Variants in ARHGAP42 observed in about 807,000 individuals in gnomAD.
ARHGAP42 encodes Rho GTPase activating protein 42, also known as rho GTPase-activating protein 42.
ARHGAP42 carries 63 observed loss-of-function variants against 125.0 expected under a neutral mutation model. The observed-to-expected ratio is 0.50, with a 90% confidence interval of 0.41 to 0.62. The LOEUF (loss-of-function observed/expected upper bound fraction) is 0.62. ARHGAP42 is among the 20% of genes least tolerant of loss of function. ARHGAP42 has a pLI of 0.00. For synonymous variants in ARHGAP42, 339 were observed against 351.0 expected (o/e 0.97, Z 0.38); for missense variants, 766 against 1,024.2 (o/e 0.75, Z 3.44).
chr11:100,935,236 C>T (rs1432490412), intron 7 of ARHGAP42, among the ~76,000 whole-genome samples: 1 of 151,562 alleles, frequency 6.6e-6, no homozygotes, highest in South Asian at 2.1e-4. Context: ...AAGAGGTATT[C>T]ATAGAGAAAA....
rs568940473 is a variant in ARHGAP42, at chr11:100,739,017, T to G, written c.155-31326T>G. ...AAAAGCTGTTTGTTAAGCCCAGACC[T>G]AGTTTGAGATCTTTTTGAAAAGTGC... On this transcript the variant is annotated intron_variant, in intron 1 of 23. Coordinates refer to ENST00000298815, the MANE Select transcript of ARHGAP42 (RefSeq NM_152432.4). Among the ~76,000 whole-genome samples the G allele has an allele frequency of 3.3e-5, 5 of 152,342 alleles. No homozygotes were observed. In the East Asian group the frequency reaches 9.6e-4, roughly 29 times the overall value.
chr11:100,922,551 A>G (rs1213167758), intron 6 of ARHGAP42, among the ~76,000 whole-genome samples: 3 of 152,194 alleles, frequency 2.0e-5, no homozygotes, highest in African/African-American at 7.2e-5. Flanking sequence ...AAGTAATCAA[A>G]TATCTAATCT....
intron 4 of ARHGAP42, among the ~76,000 whole-genome samples, chr11:100,894,880 G>A (rs17576340): frequency 0.079 from 11,994 of 152,132 alleles, 570 homozygotes; most frequent in Non-Finnish European, 0.098. Context: ...TATTCCTACC[G>A]GTCGATGACC....
chr11:100,869,014 A>C (rs1436187609), intron 4 of ARHGAP42, among the ~76,000 whole-genome samples: 1 of 152,084 alleles, frequency 6.6e-6, no homozygotes, highest in Non-Finnish European at 1.5e-5. Flanking sequence ...TGAAGTAATC[A>C]TGCATGTAGA....
intron 1 of ARHGAP42, among the ~76,000 whole-genome samples, chr11:100,744,440 A>T (rs1862253192): frequency 6.6e-6 from 1 of 152,096 alleles, no homozygotes. Context: ...ATCATTATAG[A>T]ACCCTGTTTT....
At chr11:100,935,009 T>TA (rs1248321154) in intron 7 of ARHGAP42, among the ~76,000 whole-genome samples, 6 of 151,918 alleles carry the variant, frequency 3.9e-5, no homozygotes, top group Admixed American at 3.9e-4. Context: ...TTAAATAAAA[T>TA]TACATTAAGA....
rs1429042066 is a variant in ARHGAP42 at position 100,704,030 on chromosome 11, G to A, written c.154+16198G>A. ...AGAAAAGAAAATGATGAAATTGATAGGACATTGCTGGAGGGGCTGAGTGTG... is the reference window on the plus strand; with the variant it reads ...AGAAAAGAAAATGATGAAATTGATAAGACATTGCTGGAGGGGCTGAGTGTG... On this transcript the variant is annotated intron_variant, in intron 1 of 23. Transcript: ENST00000298815. Among the ~76,000 whole-genome samples, 3 of 152,174 alleles carry A rather than the reference G, an allele frequency of 2.0e-5. No homozygotes were observed. In the South Asian group the frequency reaches 6.2e-4, roughly 32 times the overall value.
chr11:100,720,363 GA>G (rs1236998425), intron 1 of ARHGAP42, among the ~76,000 whole-genome samples: 6 of 152,184 alleles, frequency 3.9e-5, no homozygotes, highest in African/African-American at 1.4e-4. Flanking sequence ...GATAATGTTG[GA>G]AAAAAATGGG....
In ARHGAP42 at chr11:100,949,897, G is replaced by A. The variant is rs996736204; in HGVS notation, c.1123-20G>A. The A allele has an allele frequency of 6.9e-7, 1 of 1,438,986 alleles. No homozygotes were observed. Among genetic ancestry groups the A allele is most frequent in the Non-Finnish European group, 9.4e-7 (1 of 1,062,862 alleles). The allele number at this position is 1,438,986 out of a possible 1,614,324, so 89.1% of individuals were successfully genotyped here. ...GGGTCATTAACTGGAAGTAACTAAT[G>A]GACATCCTTTGTTTTTTAGATTTAT... On this transcript the variant is annotated intron_variant, in intron 11 of 23. Coordinates refer to ENST00000298815, the MANE Select transcript of ARHGAP42 (RefSeq NM_152432.4).
In ARHGAP42 at chr11:100,772,407, G is replaced by A. The variant is rs147894806; in HGVS notation, c.250+1969G>A. On this transcript the variant is annotated intron_variant, in intron 2 of 23. Coordinates refer to ENST00000298815, the MANE Select transcript of ARHGAP42 (RefSeq NM_152432.4). ...TTTCTGAGCAGATATATGCCAAGTG[G>A]TCACTCTCTTTGCTTGCCTTTTTAG... is the stretch of plus-strand genomic sequence containing the variant. Among the ~76,000 whole-genome samples, 297 of 152,252 alleles carry A rather than the reference G, an allele frequency of 2.0e-3. 2 individuals are homozygous for A. The highest frequency in any genetic ancestry group is 6.7e-3 in the African/African-American group (280 of 41,554).
chr11:100,987,677 G>A, intron 23 of ARHGAP42, 85 bp downstream of exon 23: 1 of 1,266,062 alleles, frequency 7.9e-7, no homozygotes. Flanking sequence ...TAAAGTAGAA[G>A]CCAGAAGCCT....
chr11:100,836,447 C>T (rs1173150102), intron 3 of ARHGAP42, among the ~76,000 whole-genome samples: 3 of 151,868 alleles, frequency 2.0e-5, no homozygotes, highest in African/African-American at 4.8e-5. Context: ...TGAAATTGAC[C>T]ATGCAATATT....
At chr11:100,856,185 C>T (rs574217542) in intron 3 of ARHGAP42, among the ~76,000 whole-genome samples, 2 of 152,136 alleles carry the variant, frequency 1.3e-5, no homozygotes, top group African/African-American at 4.8e-5. Context: ...GCAAAAATTG[C>T]ATTTCTCTAC....
chr11:100,795,196 T>C, intron 3 of ARHGAP42, 30 bp downstream of exon 3: 1 of 1,470,570 alleles, frequency 6.8e-7, no homozygotes, highest in Non-Finnish European at 9.2e-7. Flanking sequence ...CTTAAGAATA[T>C]TGCTTTGTTT....
At chr11:100,727,513 A>C (rs1194463372) in intron 1 of ARHGAP42, among the ~76,000 whole-genome samples, 1 of 152,180 alleles carries the variant, frequency 6.6e-6, no homozygotes, top group Non-Finnish European at 1.5e-5. Flanking sequence ...AGAAGCCTTG[A>C]ACTTTCAGCT....
intron 5 of ARHGAP42, among the ~76,000 whole-genome samples, chr11:100,920,620 T>TCA (rs1410504330): frequency 1.3e-5 from 2 of 152,180 alleles, no homozygotes; most frequent in African/African-American, 4.8e-5. Flanking sequence ...TAAGCTAAAG[T>TCA]CACTTTTTAA....
chr11:100,707,934 G>A (rs938918215), intron 1 of ARHGAP42, among the ~76,000 whole-genome samples: 2 of 152,118 alleles, frequency 1.3e-5, no homozygotes, highest in Admixed American at 6.6e-5. Context: ...CTTGATAGTA[G>A]GCATACAGCA....
intron 2 of ARHGAP42, among the ~76,000 whole-genome samples, chr11:100,776,699 G>A (rs116422400): frequency 0.015 from 2,267 of 152,194 alleles, 62 homozygotes; most frequent in African/African-American, 0.051. Context: ...AGCATCGGCC[G>A]GGCACAGTGG....
At chr11:100,698,369 G>A (rs759726275) in intron 1 of ARHGAP42, among the ~76,000 whole-genome samples, 18 of 152,176 alleles carry the variant, frequency 1.2e-4, no homozygotes, top group Non-Finnish European at 1.9e-4. Flanking sequence ...TACTCGGAAG[G>A]CTGAGGCAAG....
Sources: gnomAD v4.1 joint callset for allele counts (sites outside exome capture counted in the v4.1 genomes callset) on GRCh38, gnomAD v4.1.1 for gene constraint, MANE v1.5 for transcripts, NCBI Gene and HGNC (gene_info 2026-07-23, HGNC 2026-07-21) for gene names.